Variants in BIRC6 observed in about 807,000 individuals in gnomAD.
The protein encoded by BIRC6 is dual E2 ubiquitin-conjugating enzyme/E3 ubiquitin-protein ligase BIRC6.
Under a neutral mutation model 503.3 loss-of-function variants are expected in BIRC6, and 98 were observed. The observed-to-expected ratio is 0.19, with a 90% CI of 0.17 to 0.23. The LOEUF is 0.23. Ranked by LOEUF, BIRC6 falls within the 10% of genes least tolerant of loss-of-function variation. The probability of loss-of-function intolerance (pLI) is 1.00; values close to 1 mark genes in which losing one functional copy is unlikely to be tolerated. For synonymous variants in BIRC6, 2,240 were observed against 2,078.7 expected (o/e 1.08, Z -2.11); for missense variants, 5,360 against 5,806.0 (o/e 0.92, Z 2.50).
chr2:32,607,313 TATA>T (rs2062541407), intron 71 of BIRC6, 139 bp from the exon 72 acceptor site: 2 of 581,006 alleles, frequency 3.4e-6, no homozygotes, highest in Non-Finnish European at 5.6e-6. Flanking sequence ...ATTTCAATGT[TATA>T]ATCATAAACA....
intron 6 of BIRC6, among the ~76,000 whole-genome samples, chr2:32,397,046 A>G (rs1240887168): frequency 3.3e-5 from 5 of 152,152 alleles, no homozygotes; most frequent in African/African-American, 1.2e-4. Flanking sequence ...AACAATTTTA[A>G]CAATATACTG....
At position 32,575,240 on chromosome 2, in the gene BIRC6, C is replaced by T; in HGVS notation, c.13229C>T (p.Pro4410Leu). Residue 4410 changes from proline (P) to leucine (L), a missense_variant, in exon 66 of 74, where the codon CCC (proline) becomes CTC (leucine). Transcript: ENST00000421745. ...ATTGCTTCTTGTGCTGCCATGGTGCCCCTATTGTTGCCCCTTTCTACAGAG... is the reference window on the plus strand; with the variant it reads ...ATTGCTTCTTGTGCTGCCATGGTGCTCCTATTGTTGCCCCTTTCTACAGAG... ...RAIASCAAMV[P>L]LLLPLSTENG... 6.2e-7 allele frequency: 1 copy of T among 1,613,940 alleles called. No individual in the cohort carries two copies. Among genetic ancestry groups the T allele is most frequent in the Non-Finnish European group, 8.5e-7 (1 of 1,179,884 alleles).
In BIRC6 at chr2:32,467,766, A is replaced by T. The variant is rs754006152; in HGVS notation, c.5571+27A>T. 7.0e-6 allele frequency: 11 copies of T among 1,579,578 alleles called. No homozygotes were observed. The East Asian group carries it at 1.4e-4, about 20-fold the overall frequency. On this transcript the variant is annotated intron_variant, in intron 27 of 73. Coordinates refer to ENST00000421745, the MANE Select transcript of BIRC6 (RefSeq NM_016252.4). Reference sequence around the variant, plus strand: ...TAAAGAACTTTAAGAAAGTAAATTGATACGCTTTCTATGTTTCTGACAAGT... The same window carrying T: ...TAAAGAACTTTAAGAAAGTAAATTGTTACGCTTTCTATGTTTCTGACAAGT...
chr2:32,537,577 A>G (rs1227517819), intron 61 of BIRC6, among the ~76,000 whole-genome samples: 2 of 152,196 alleles, frequency 1.3e-5, no homozygotes, highest in Non-Finnish European at 2.9e-5. Context: ...CACCTCGCCC[A>G]TCGCCTCTCA....
chr2:32,532,492 A>T (rs1408282430), intron 61 of BIRC6, among the ~76,000 whole-genome samples: 3 of 152,012 alleles, frequency 2.0e-5, no homozygotes, highest in African/African-American at 7.3e-5. Flanking sequence ...CTTTCTCCTT[A>T]TAAGGACACC....
intron 6 of BIRC6, among the ~76,000 whole-genome samples, chr2:32,400,800 G>A (rs182538550): frequency 2.0e-4 from 30 of 152,264 alleles, no homozygotes; most frequent in Non-Finnish European, 4.0e-4. Flanking sequence ...AAACATAGTA[G>A]TTAATCATTC....
intron 1 of BIRC6, among the ~76,000 whole-genome samples, chr2:32,369,926 T>TAA (rs756693528): frequency 1.2e-3 from 46 of 37,764 alleles, no homozygotes; most frequent in South Asian, 2.7e-3. Context: ...CCCTGTCTCT[T>TAA]AAAAAAAAAA....
intron 49 of BIRC6, 113 bp downstream of exon 49, chr2:32,503,349 A>T: frequency 1.2e-6 from 1 of 854,256 alleles, no homozygotes; most frequent in Non-Finnish European, 1.8e-6. Flanking sequence ...TATTTTAATT[A>T]CAAACAGTTT....
chr2:32,446,771 T>TTA (rs1491460454), intron 21 of BIRC6, among the ~76,000 whole-genome samples: 41 of 110,720 alleles, frequency 3.7e-4, no homozygotes, highest in Admixed American at 5.7e-4. Flanking sequence ...TTTTTTTTTT[T>TTA]ATTGATCATT....
At chr2:32,509,475 G>C (rs1490827736) in intron 51 of BIRC6, among the ~76,000 whole-genome samples, 9 of 152,006 alleles carry the variant, frequency 5.9e-5, no homozygotes, top group Admixed American at 5.9e-4. Flanking sequence ...GGATGGTCTC[G>C]AACTCCTGAC....
Position 32,515,361 on chromosome 2 carries a change from T to C in BIRC6, c.10940T>C (p.Ile3647Thr), listed in dbSNP as rs139559087. ...CTGGCTAGTTTCTGCTTTAGCCACATTTCTAGCTCAGAAAGCATTGCCCAG... is the reference window on the plus strand; with the variant it reads ...CTGGCTAGTTTCTGCTTTAGCCACACTTCTAGCTCAGAAAGCATTGCCCAG... ...RSLASFCFSH[I>T]SSSESIAQSI... The change falls in exon 55 of 74, where the codon ATT becomes ACT. Residue 3647 changes from isoleucine to threonine, a missense_variant. Physicochemically the swap from Ile to Thr is moderately conservative, Grantham distance 89 (BLOSUM62 -1). Coordinates refer to ENST00000421745, the MANE Select transcript of BIRC6 (RefSeq NM_016252.4). 7.4e-6 allele frequency: 12 copies of C among 1,613,664 alleles called. No homozygotes were observed. The highest frequency in any genetic ancestry group is 6.6e-5 in the South Asian group (6 of 91,080).
At chr2:32,447,647 C>A (rs1350993368) in intron 21 of BIRC6, among the ~76,000 whole-genome samples, 1 of 120,488 alleles carries the variant, frequency 8.3e-6, no homozygotes, top group East Asian at 2.7e-4. Flanking sequence ...GCTGGCCGGG[C>A]AGGGGGCTGA....
chr2:32,385,367 A>T lies in BIRC6; in HGVS notation c.646-3383A>T, dbSNP rs985650782. ...TGCCTTTTGGACTTTGTGAAGACAG[A>T]TCTTTTATAAAACACTTGATGAAGG... On this transcript the variant is annotated intron_variant, in intron 3 of 73. Transcript: ENST00000421745. Among the ~76,000 whole-genome samples the T allele has an allele frequency of 2.0e-5, 3 of 152,214 alleles. No individual in the cohort carries two copies. In the South Asian group the frequency reaches 6.2e-4, roughly 31 times the overall value.
intron 5 of BIRC6, among the ~76,000 whole-genome samples, 159 bp downstream of exon 5, chr2:32,392,309 A>C (rs541445155): frequency 1.3e-5 from 2 of 152,266 alleles, no homozygotes; most frequent in South Asian, 4.1e-4. Flanking sequence ...GCTGGAGTGC[A>C]GCGCCACAAT....
intron 6 of BIRC6, among the ~76,000 whole-genome samples, chr2:32,397,426 T>C (rs2040024111): frequency 6.6e-6 from 1 of 151,596 alleles, no homozygotes; most frequent in Non-Finnish European, 1.5e-5. Context: ...GAGCCGAGAT[T>C]GTACCATTGC....
chr2:32,362,396 AG>A (rs1382834366), intron 1 of BIRC6, among the ~76,000 whole-genome samples: 1 of 149,912 alleles, frequency 6.7e-6, no homozygotes, highest in Admixed American at 6.6e-5. Context: ...GCTCACTGCA[AG>A]CTCCGCCTAC....
At chr2:32,478,165 C>A (rs953943453) in intron 35 of BIRC6, among the ~76,000 whole-genome samples, 1 of 151,800 alleles carries the variant, frequency 6.6e-6, no homozygotes, top group Non-Finnish European at 1.5e-5. Context: ...GGTGAAAACC[C>A]GTCCTTACTA....
Position 32,499,590 on chromosome 2 carries a change from A to C in BIRC6, c.8512A>C (p.Lys2838Gln). 1 of 1,613,506 alleles carries C rather than the reference A, an allele frequency of 6.2e-7. No homozygotes were observed. The highest frequency in any genetic ancestry group is 8.5e-7 in the Non-Finnish European group (1 of 1,179,682). Residue 2838 changes from lysine to glutamine, a missense_variant, in exon 46 of 74, where the codon AAG (lysine) becomes CAG (glutamine). Around this residue, in one of 16 missense-constraint regions of BIRC6, gnomAD observed 2,299 missense variants for 2,267.2 expected, o/e 1.01. Coordinates refer to ENST00000421745, the MANE Select transcript of BIRC6 (RefSeq NM_016252.4). ...TGQGPLDAQV[K>Q]LLEFTLEQNF... ...CCAAGGACCTCTCGATGCCCAAGTGAAGCTCTTAGAATTCACTCTGGAGCA... is the reference window on the plus strand; with the variant it reads ...CCAAGGACCTCTCGATGCCCAAGTGCAGCTCTTAGAATTCACTCTGGAGCA...
chr2:32,360,327 A>G (rs141397623), intron 1 of BIRC6, among the ~76,000 whole-genome samples: 5 of 152,332 alleles, frequency 3.3e-5, no homozygotes, highest in Admixed American at 3.3e-4. Context: ...TCTTTATATT[A>G]TCTGTATCTG....
Sources: allele counts gnomAD v4.1 joint callset (sites outside exome capture counted in the v4.1 genomes callset), GRCh38; gene constraint gnomAD v4.1.1; regional missense constraint gnomAD v4.1.1; transcripts MANE v1.5; gene names NCBI Gene and HGNC (gene_info 2026-07-23, HGNC 2026-07-21).